The following FAM124A variants were observed in gnomAD, a reference collection of about 807,000 sequenced individuals.
FAM124A encodes the protein family with sequence similarity 124 member A.
A neutral mutation model predicts 24.5 loss-of-function variants in FAM124A; 23 were observed. The ratio of observed to expected loss-of-function variants is 0.94; its 90% CI spans 0.68 to 1.33. The LOEUF is 1.33. Among genes scored for constraint, FAM124A ranks in the 40% most tolerant of loss-of-function variants. The pLI is 0.00. For missense variants in FAM124A, 623 were observed against 722.8 expected, an observed-to-expected ratio of 0.86 and a Z score of 1.58; for synonymous variants, 287 against 314.7, an observed-to-expected ratio of 0.91 and a Z score of 0.93.
chr13:51,238,920 G>T (rs1441312568), intron 2 of FAM124A, among the ~76,000 whole-genome samples: 2 of 152,294 alleles, frequency 1.3e-5, no homozygotes, highest in Admixed American at 1.3e-4. Context: ...TGCTACGCTG[G>T]CATCCATTTC....
chr13:51,269,530 A>C (rs540499237), intron 3 of FAM124A, among the ~76,000 whole-genome samples: 2 of 152,352 alleles, frequency 1.3e-5, no homozygotes, highest in Admixed American at 1.3e-4. Context: ...TGAATTGATT[A>C]GATTTACAAG....
chr13:51,241,853 G>A (rs974547269), intron 2 of FAM124A, among the ~76,000 whole-genome samples: 3 of 152,176 alleles, frequency 2.0e-5, no homozygotes, highest in African/African-American at 4.8e-5. Context: ...CGTTCAGGAC[G>A]TGTTTTATAA....
chr13:51,276,710 T>C (rs993264935), intron 3 of FAM124A, among the ~76,000 whole-genome samples: 7 of 152,240 alleles, frequency 4.6e-5, no homozygotes, highest in South Asian at 2.1e-4. Flanking sequence ...TATTTTTCTT[T>C]AGAGCAAGAC....
rs371911884 is a variant in FAM124A at position 51,280,514 on chromosome 13, G to A, written c.899G>A (p.Arg300His). 9.3e-6 allele frequency: 15 copies of A among 1,613,874 alleles called. No homozygotes were observed. The highest frequency in any genetic ancestry group is 5.3e-5 in the African/African-American group (4 of 75,012). The change falls in exon 4 of 4, where the codon CGT (arginine) becomes CAT (histidine). Residue 300 changes from arginine to histidine, a missense_variant. By Grantham distance (29) the Arg-to-His change is conservative. Transcript: ENST00000322475. ...GRVHHASEKK[R>H]HSTPLPSTAV... The stretch of plus-strand genomic sequence containing the variant: ...GTACATCATGCCTCCGAGAAGAAAC[G>A]TCATTCCACTCCTTTGCCGAGCACT...
rs758653958 is a variant in FAM124A, at chr13:51,281,099, G to T, written c.1484G>T (p.Arg495Leu). The stretch of plus-strand genomic sequence containing the variant: ...TCTTCCAGCTCCTCAGCGACAGCTC[G>T]TGCTGCTCCCCCAGCTCCCAGCACC... ...KRSSSSSATA[R>L]AAPPAPSTST... The change falls in exon 4 of 4, where the codon CGT becomes CTT. Residue 495 changes from arginine (R) to leucine (L), a missense_variant. Coordinates refer to ENST00000322475, the MANE Select transcript of FAM124A (RefSeq NM_001242312.2). The T allele has an allele frequency of 3.1e-6, 5 of 1,613,832 alleles. No individual in the cohort carries two copies. The Admixed American group carries it at 5.0e-5, about 16-fold the overall frequency.
chr13:51,230,879 G>C (rs1261068306), intron 1 of FAM124A, among the ~76,000 whole-genome samples: 1 of 152,168 alleles, frequency 6.6e-6, no homozygotes, highest in Non-Finnish European at 1.5e-5. Context: ...CCTTGAATGT[G>C]GAAACCTTCG....
At chr13:51,243,066 AT>A (rs1407653953) in intron 2 of FAM124A, among the ~76,000 whole-genome samples, 23 of 152,230 alleles carry the variant, frequency 1.5e-4, no homozygotes, top group African/African-American at 4.8e-4. Flanking sequence ...TATGATCTAT[AT>A]TATAAATGCA....
intron 2 of FAM124A, among the ~76,000 whole-genome samples, chr13:51,236,192 G>A (rs1404231211): frequency 6.6e-6 from 1 of 152,158 alleles, no homozygotes; most frequent in Non-Finnish European, 1.5e-5. Context: ...GGGGTCAGGT[G>A]GATCACAGGT....
chr13:51,277,590 T>C (rs1177751084), intron 3 of FAM124A, among the ~76,000 whole-genome samples: 1 of 152,162 alleles, frequency 6.6e-6, no homozygotes, highest in Non-Finnish European at 1.5e-5. Context: ...GTCAGAAGAT[T>C]GAGACCATCC....
At chr13:51,232,298 TGA>T (rs1954386071) in intron 2 of FAM124A, among the ~76,000 whole-genome samples, 2 of 134,098 alleles carry the variant, frequency 1.5e-5, no homozygotes, top group Admixed American at 1.5e-4. Flanking sequence ...TCAGATTGAT[TGA>T]ATACTTATTT....
chr13:51,280,332 C>A, intron 3 of FAM124A, 118 bp from the exon 4 acceptor site: 1 of 882,794 alleles, frequency 1.1e-6, no homozygotes, highest in Non-Finnish European at 1.7e-6. Flanking sequence ...ACTGGTAATG[C>A]TGGTAATGCT....
intron 1 of FAM124A, among the ~76,000 whole-genome samples, chr13:51,223,195 C>CTT (rs5803559): frequency 3.4e-5 from 5 of 146,836 alleles, no homozygotes; most frequent in African/African-American, 1.0e-4. Context: ...CTAGCCCTGC[C>CTT]TTTTTTTTTT....
chr13:51,242,888 A>G (rs1954514463), intron 2 of FAM124A, among the ~76,000 whole-genome samples: 1 of 152,246 alleles, frequency 6.6e-6, no homozygotes, highest in Admixed American at 6.5e-5. Context: ...TAACTGTTAT[A>G]GCAAAGCCAC....
chr13:51,223,195 CTTT>C (rs5803559), intron 1 of FAM124A, among the ~76,000 whole-genome samples: 1 of 146,834 alleles, frequency 6.8e-6, no homozygotes, highest in African/African-American at 2.5e-5. Context: ...CTAGCCCTGC[CTTT>C]TTTTTTTTTT....
chr13:51,267,788 T>A (rs1954803199), intron 3 of FAM124A, among the ~76,000 whole-genome samples: 2 of 152,186 alleles, frequency 1.3e-5, no homozygotes, highest in Non-Finnish European at 2.9e-5. Flanking sequence ...TGTGGCCAAC[T>A]GAAGTGTTGC....
At chr13:51,240,823 T>G (rs1335380134) in intron 2 of FAM124A, among the ~76,000 whole-genome samples, 4 of 152,232 alleles carry the variant, frequency 2.6e-5, no homozygotes, top group African/African-American at 9.6e-5. Flanking sequence ...AGTCCTGCTC[T>G]TCTCAGGGAT....
chr13:51,262,931 G>A (rs914537710), intron 3 of FAM124A, among the ~76,000 whole-genome samples: 1 of 152,236 alleles, frequency 6.6e-6, no homozygotes, highest in Non-Finnish European at 1.5e-5. Context: ...GACCAGCATC[G>A]ACTGGCCTCA....
chr13:51,243,900 G>A (rs1374833330), intron 2 of FAM124A, among the ~76,000 whole-genome samples: 2 of 152,142 alleles, frequency 1.3e-5, no homozygotes, highest in East Asian at 3.8e-4. Context: ...TGTGTGTGAC[G>A]CACCGTCTCA....
chr13:51,228,912 AAAG>A (rs1286914286), intron 1 of FAM124A, among the ~76,000 whole-genome samples: 2 of 152,264 alleles, frequency 1.3e-5, no homozygotes, highest in Non-Finnish European at 2.9e-5. Context: ...TGTGTTTTGT[AAAG>A]GTGAACAACC....
Sources: gnomAD v4.1 joint callset for allele counts (sites outside exome capture counted in the v4.1 genomes callset) on GRCh38, gnomAD v4.1.1 for gene constraint, MANE v1.5 for transcripts, NCBI Gene and HGNC (gene_info 2026-07-23, HGNC 2026-07-21) for gene names.